Variants in FBXO41 observed in about 807,000 individuals in gnomAD.
FBXO41 encodes the protein F-box protein 41.
Under a neutral mutation model 81.6 loss-of-function variants are expected in FBXO41, and 33 were observed. That is an observed-to-expected ratio of 0.40 (90% CI 0.31 to 0.54). The LOEUF (loss-of-function observed/expected upper bound fraction) is 0.54, where lower values mean the gene tolerates loss of function less well. Ranked by LOEUF, FBXO41 falls within the 20% of genes least tolerant of loss-of-function variation. The pLI, the probability that FBXO41 is intolerant of heterozygous loss-of-function variation, is 0.39. For synonymous variants in FBXO41, 576 were observed against 552.7 expected (o/e 1.04, Z -0.59); for missense variants, 1,107 against 1,236.0 (o/e 0.90, Z 1.56).
Position 73,260,379 on chromosome 2 carries a change from C to G in FBXO41, c.2449+10G>C, listed in dbSNP as rs1443563401. 1.9e-6 allele frequency: 3 copies of G among 1,611,550 alleles called. No homozygotes were observed. The highest frequency in any genetic ancestry group is 2.7e-5 in the African/African-American group (2 of 74,870). ...AGTCGTACCCTGCCCCTCATTCCCCCAGTGCTCACTGTTGAAGTGCAGTAG... is the reference window on the plus strand; with the variant it reads ...AGTCGTACCCTGCCCCTCATTCCCCGAGTGCTCACTGTTGAAGTGCAGTAG... On this transcript the variant is annotated intron_variant, in intron 11 of 12. Transcript: ENST00000520530. This position sits in a 1 kb window ranked among gnomAD's most constrained non-coding sequence, Gnocchi z 5.0.
chr2:73,262,085 T>C (rs1013767067), intron 9 of FBXO41, among the ~76,000 whole-genome samples: 30 of 152,266 alleles, frequency 2.0e-4, no homozygotes, highest in Admixed American at 1.9e-3. Flanking sequence ...TAGCTGGGCA[T>C]GGTGGCCCAT....
At chr2:73,263,429 G>A (rs1688091485) in intron 8 of FBXO41, 121 bp from the exon 9 acceptor site, 4 of 796,368 alleles carry the variant, frequency 5.0e-6, no homozygotes, top group Admixed American at 6.1e-5. Flanking sequence ...GACTAGCTTG[G>A]GCAATACGGC....
In FBXO41 at chr2:73,264,385, G is replaced by A. The variant is rs748532369; in HGVS notation, c.1699C>T (p.Arg567Cys). Residue 567 changes from arginine to cysteine, a missense_variant, in exon 6 of 13, where the codon CGC (arginine) becomes TGC (cysteine). Physicochemically the swap from Arg to Cys is radical, Grantham distance 180 (BLOSUM62 -3). Transcript: ENST00000520530. Reference sequence around the variant, plus strand: ...ACCTCGGCAGCATGCAGCAGTGTGCGCGTGTCCAGGTAGGTGAAGATGCAG... The same window carrying A: ...ACCTCGGCAGCATGCAGCAGTGTGCACGTGTCCAGGTAGGTGAAGATGCAG... Reference protein sequence around the residue: ...LFCIFTYLDTRTLLHAAEVCR... With the variant: ...LFCIFTYLDTCTLLHAAEVCR... 4 of 1,613,852 alleles carry A rather than the reference G, an allele frequency of 2.5e-6. No individual in the cohort carries two copies. Among genetic ancestry groups the A allele is most frequent in the Admixed American group, 3.3e-5 (2 of 60,034 alleles).
chr2:73,282,877 C>A (rs147562179), intron 1 of FBXO41, among the ~76,000 whole-genome samples: 49 of 152,300 alleles, frequency 3.2e-4, no homozygotes, highest in Non-Finnish European at 5.6e-4. Flanking sequence ...GGTGGCCCTG[C>A]CTCCCGGTCC....
rs571927486 is a variant in FBXO41 at position 73,277,444 on chromosome 2, A to C, written c.-139+6716T>G. Among the ~76,000 whole-genome samples, 6 of 152,294 alleles carry C rather than the reference A, an allele frequency of 3.9e-5. No individual in the cohort carries two copies. In the East Asian group the frequency reaches 1.2e-3, roughly 29 times the overall value. The stretch of plus-strand genomic sequence containing the variant: ...TATGAGCACCATGACAGAACAGTTG[A>C]AGATTTTCCTTTGCATTCTTGTGTC... On this transcript the variant is annotated intron_variant, in intron 1 of 12. Transcript: ENST00000520530.
intron 1 of FBXO41, among the ~76,000 whole-genome samples, chr2:73,270,670 A>G (rs1688465217): frequency 6.6e-6 from 1 of 151,572 alleles, no homozygotes; most frequent in East Asian, 1.9e-4. Context: ...TTTATTATCC[A>G]TCCTCCCCAC....
At position 73,263,989 on chromosome 2, in the gene FBXO41, G is replaced by A; in HGVS notation, c.1871C>T (p.Pro624Leu). 1 of 1,606,318 alleles carries A rather than the reference G, an allele frequency of 6.2e-7. No individual in the cohort carries two copies. The highest frequency in any genetic ancestry group is 8.5e-7 in the Non-Finnish European group (1 of 1,176,190). Residue 624 changes from proline (P) to leucine (L), a missense_variant, in exon 7 of 13, where the codon CCC becomes CTC. Physicochemically the swap from Pro to Leu is moderately conservative, Grantham distance 98. Transcript: ENST00000520530. ...GCTCTCCTTCTTTCCCCGCTGCCGG[G>A]GCTTCAAGTTCTGCAGCGTCAGAGA... ...AHSLTLQNLK[P>L]RQRGKKESKE...
rs1011528294 is a variant in FBXO41 at position 73,276,923 on chromosome 2, G to A, written c.-138-7155C>T. ...ACAAGGATATTCTATAATGTATGGTGAGCCTGGTGTCAGGGTATCTGTGTG... is the reference window on the plus strand; with the variant it reads ...ACAAGGATATTCTATAATGTATGGTAAGCCTGGTGTCAGGGTATCTGTGTG... On this transcript the variant is annotated intron_variant, in intron 1 of 12. Transcript: ENST00000520530. Among the ~76,000 whole-genome samples, 8 of 152,238 alleles carry A rather than the reference G, an allele frequency of 5.3e-5. No individual in the cohort carries two copies. In the East Asian group the frequency reaches 5.8e-4, roughly 11 times the overall value.
chr2:73,269,713 G>C lies in FBXO41; in HGVS notation c.-83C>G. ...GGCGCGCTCATGGGGGACCGCGGGC[G>C]AGGCCCCCTGCGGGGTCAGGAAGGC... On this transcript the variant is annotated 5_prime_UTR_variant, in exon 2 of 13. Transcript: ENST00000520530. The surrounding 1 kb of genome is among the most constrained non-coding windows in gnomAD (Gnocchi z 7.0). 9.9e-7 allele frequency: 1 copy of C among 1,014,756 alleles called. No homozygotes were observed. Among genetic ancestry groups the C allele is most frequent in the Non-Finnish European group, 1.2e-6 (1 of 827,132 alleles). The allele number at this position is 1,014,756 out of a possible 1,614,324, so 62.9% of individuals were successfully genotyped here. A position where few individuals can be genotyped will look rare whatever the true frequency, so the allele number is the denominator to read the frequency against.
At position 73,263,348 on chromosome 2, in the gene FBXO41, C is replaced by T. The variant is rs768846955; in HGVS notation, c.2076-40G>A. ...AGCTGCTAGTCAGGCAGCAGGGTGG[C>T]TTATACTGGTAATCCCAACACTTTG... On this transcript the variant is annotated intron_variant, in intron 8 of 12. Coordinates refer to ENST00000520530, the MANE Select transcript of FBXO41 (RefSeq NM_001371389.2). 11 of 1,424,074 alleles carry T rather than the reference C, an allele frequency of 7.7e-6. No individual in the cohort carries two copies. The Admixed American group carries it at 2.0e-4, about 26-fold the overall frequency. The allele number at this position is 1,424,074 out of a possible 1,614,324, so 88.2% of individuals were successfully genotyped here.
intron 1 of FBXO41, chr2:73,272,216 A>G (rs1688527668): frequency 6.6e-6 from 1 of 152,220 alleles, no homozygotes; most frequent in Admixed American, 6.5e-5. Context: ...GATTTGTAGA[A>G]AAATGTCAGG....
chr2:73,283,790 CAG>C (rs2103925877), intron 1 of FBXO41, among the ~76,000 whole-genome samples: 1 of 152,256 alleles, frequency 6.6e-6, no homozygotes, highest in Non-Finnish European at 1.5e-5. Context: ...CCCAGCCCCT[CAG>C]AAACCGGTAG....
rs1480551732 is a variant in FBXO41, at chr2:73,265,346, G to A, written c.1500C>T (p.Gly500=). 6.2e-7 allele frequency: 1 copy of A among 1,611,896 alleles called. No homozygotes were observed. The highest frequency in any genetic ancestry group is 1.7e-5 in the Admixed American group (1 of 60,016). Residue 500 remains glycine, a synonymous_variant, in exon 5 of 13, where the codon GGC becomes GGT. Coordinates refer to ENST00000520530, the MANE Select transcript of FBXO41 (RefSeq NM_001371389.2). The part of the protein sequence containing the change: ...GSRTTESEAE[G]PLDAPRPGPA... ...GCCCGGGGCGGGGCGCATCCAACGG[G>A]CCCTCAGCCTCTGACTCAGTGGTTC...
In FBXO41 at chr2:73,264,025, G is replaced by A. The variant is rs1331183619; in HGVS notation, c.1835C>T (p.Thr612Ile). ...CTGCAGCGTCAGAGAGTGGGCCTGG[G>A]TGCACCACTGAGCCAGCATTGCCAG... is the stretch of plus-strand genomic sequence containing the variant. ...KFLAMLAQWCTQAHSLTLQNL... is the reference protein window; with the variant it reads ...KFLAMLAQWCIQAHSLTLQNL... Residue 612 changes from threonine to isoleucine, a missense_variant, in exon 7 of 13, where the codon ACC becomes ATC. This residue lies in a region of FBXO41 where 336 missense variants were observed against 446.7 expected (regional missense o/e 0.75). Transcript: ENST00000520530. The A allele has an allele frequency of 2.5e-6, 4 of 1,599,918 alleles. No individual in the cohort carries two copies. The highest frequency in any genetic ancestry group is 3.4e-6 in the Non-Finnish European group (4 of 1,173,062).
chr2:73,275,197 T>C (rs544727842), intron 1 of FBXO41, among the ~76,000 whole-genome samples: 7 of 151,442 alleles, frequency 4.6e-5, no homozygotes, highest in African/African-American at 1.5e-4. Flanking sequence ...CCCTTTTTTT[T>C]AAGACAGAGT....
At chr2:73,265,759 T>G in intron 4 of FBXO41, 119 bp from the exon 5 acceptor site, 1 of 1,428,056 alleles carries the variant, frequency 7.0e-7, no homozygotes, top group Non-Finnish European at 9.4e-7. Flanking sequence ...AAAAGCCCCC[T>G]CTGGGTGTGG....
rs754869381 is a variant in FBXO41 at position 73,259,277 on chromosome 2, C to T, written c.2469G>A (p.Lys823=). ...CAATCCCAATCTGGACCACAATGGA[C>T]TTGAGGTTCCGGCAGATGCCTGAGA... is the stretch of plus-strand genomic sequence containing the variant. ...LHFNSICRNL[K]SIVVQIGIAD... Residue 823 remains lysine, a synonymous_variant, in exon 12 of 13, where the codon AAG becomes AAA. Transcript: ENST00000520530. The surrounding 1 kb of genome is among the most constrained non-coding windows in gnomAD (Gnocchi z 4.2). 88 of 1,613,928 alleles carry T rather than the reference C, an allele frequency of 5.5e-5. No individual in the cohort carries two copies. Among genetic ancestry groups the T allele is most frequent in the Middle Eastern group, 3.3e-4 (2 of 6,084 alleles).
At chr2:73,267,957 C>A (rs1383786944) in intron 2 of FBXO41, among the ~76,000 whole-genome samples, 1 of 152,080 alleles carries the variant, frequency 6.6e-6, no homozygotes, top group Non-Finnish European at 1.5e-5. Flanking sequence ...ATCGGAAAAT[C>A]AAAAAATTGT....
In FBXO41 at chr2:73,260,761, C is replaced by G; in HGVS notation, c.2269G>C (p.Val757Leu). The change falls in exon 10 of 13, where the codon GTG becomes CTG. Residue 757 changes from valine to leucine, a missense_variant. By Grantham distance (32) the Val-to-Leu change is conservative. Coordinates refer to ENST00000520530, the MANE Select transcript of FBXO41 (RefSeq NM_001371389.2). The surrounding 1 kb of genome is among the most constrained non-coding windows in gnomAD (Gnocchi z 5.0). ...TCACCGAGTGATGCCAGGCCCTGCA[C>G]CCCACAGCCGGCACCCCCGACCCCC... is the stretch of plus-strand genomic sequence containing the variant. ...ALGVGGAGCG[V>L]QGLASLARNC... 6.4e-7 allele frequency: 1 copy of G among 1,554,958 alleles called. No individual in the cohort carries two copies. Among genetic ancestry groups the G allele is most frequent in the Middle Eastern group, 1.7e-4 (1 of 5,990 alleles).
Sources: allele counts gnomAD v4.1 joint callset (sites outside exome capture counted in the v4.1 genomes callset), GRCh38; gene constraint gnomAD v4.1.1; regional missense constraint gnomAD v4.1.1; non-coding constraint Gnocchi (gnomAD v3.1); transcripts MANE v1.5; gene names NCBI Gene and HGNC (gene_info 2026-07-23, HGNC 2026-07-21).